Variants in MS4A4A observed in about 807,000 individuals in gnomAD.
The protein encoded by MS4A4A is membrane spanning 4-domains A4A, also known as membrane-spanning 4-domains subfamily A member 4A.
A neutral mutation model predicts 28.0 loss-of-function variants in MS4A4A; 26 were observed. The ratio of observed to expected loss-of-function variants is 0.93; its 90% CI spans 0.68 to 1.29. MS4A4A has a LOEUF of 1.29. Among genes scored for constraint, MS4A4A ranks in the 50% most tolerant of loss-of-function variants. MS4A4A has a pLI of 0.00. For synonymous variants in MS4A4A, 86 were observed against 100.8 expected (o/e 0.85, Z 0.88); for missense variants, 290 against 293.1 (o/e 0.99, Z 0.08).
intron 3 of MS4A4A, among the ~76,000 whole-genome samples, chr11:60,298,129 C>G (rs1334400836): frequency 6.6e-6 from 1 of 151,526 alleles, no homozygotes; most frequent in Non-Finnish European, 1.5e-5. Context: ...CAAGAGAAAA[C>G]ACAAGATAGT....
intron 6 of MS4A4A, among the ~76,000 whole-genome samples, chr11:60,306,765 C>G (rs1483919518): frequency 6.6e-6 from 1 of 152,216 alleles, no homozygotes; most frequent in Non-Finnish European, 1.5e-5. Flanking sequence ...AAGTGCATAA[C>G]CTCTGAATCC....
At chr11:60,293,203 A>G (rs957653233) in intron 2 of MS4A4A, among the ~76,000 whole-genome samples, 3 of 152,110 alleles carry the variant, frequency 2.0e-5, no homozygotes, top group African/African-American at 7.2e-5. Flanking sequence ...GATTACAGGC[A>G]TGAGCCATCA....
chr11:60,297,579 GA>G (rs1323619525), intron 3 of MS4A4A, among the ~76,000 whole-genome samples: 1 of 152,126 alleles, frequency 6.6e-6, no homozygotes, highest in Non-Finnish European at 1.5e-5. Context: ...ACCCAAACCA[GA>G]ATGGCTTAAA....
chr11:60,307,540 G>A (rs1463315602), intron 6 of MS4A4A, among the ~76,000 whole-genome samples: 2 of 152,140 alleles, frequency 1.3e-5, no homozygotes, highest in African/African-American at 4.8e-5. Context: ...CATAGGTGCT[G>A]GGGAATGTTG....
intron 2 of MS4A4A, among the ~76,000 whole-genome samples, chr11:60,295,661 C>CTCTA (rs2084899445): frequency 6.6e-6 from 1 of 152,054 alleles, no homozygotes; most frequent in Non-Finnish European, 1.5e-5. Context: ...AGAAGTTCTC[C>CTCTA]TCTATTAATA....
In MS4A4A at chr11:60,302,687, T is replaced by C; in HGVS notation, c.516T>C (p.Asn172=). The C allele has an allele frequency of 6.2e-7, 1 of 1,613,868 alleles. No individual in the cohort carries two copies. Among genetic ancestry groups the C allele is most frequent in the Non-Finnish European group, 8.5e-7 (1 of 1,179,728 alleles). ...HPYCNYYGNS[N]NCHGTMSILM... ...ACTGTAACTACTATGGCAACTCAAA[T>C]AATTGTCATGGGACTATGTCCATCT... The change falls in exon 5 of 7, where the codon AAT becomes AAC. Residue 172 remains asparagine, a synonymous_variant. Coordinates refer to ENST00000337908, the MANE Select transcript of MS4A4A (RefSeq NM_148975.3).
At position 60,297,038 on chromosome 11, in the gene MS4A4A, C is replaced by T. The variant is rs1301821151; in HGVS notation, c.202-159C>T. 5.1e-5 allele frequency: 42 copies of T among 822,342 alleles called. 2 individuals are homozygous for T. The highest frequency in any genetic ancestry group is 2.1e-4 in the South Asian group (13 of 61,646). The allele number at this position is 822,342 out of a possible 1,614,324, so 50.9% of individuals were successfully genotyped here. A position where few individuals can be genotyped will look rare whatever the true frequency, so the allele number is the denominator to read the frequency against. ...GATAATATTGGTAAGATTACATTCA[C>T]GGTTATTTATGTGAAAAAAGAGTGA... On this transcript the variant is annotated intron_variant, in intron 2 of 6. Coordinates refer to ENST00000337908, the MANE Select transcript of MS4A4A (RefSeq NM_148975.3).
At chr11:60,305,774 A>G (rs1565149581) in intron 5 of MS4A4A, 2 of 213,904 alleles carry the variant, frequency 9.3e-6, no homozygotes, top group African/African-American at 2.3e-5. Flanking sequence ...TCTCAATGAT[A>G]TGAGTTTCTA....
At chr11:60,300,911 T>C (rs2084947907) in intron 3 of MS4A4A, 90 bp from the exon 4 acceptor site, 4 of 899,394 alleles carry the variant, frequency 4.4e-6, no homozygotes, top group Non-Finnish European at 6.8e-6. Context: ...CTGATTAACA[T>C]ATCTATCTAA....
chr11:60,302,674 A>G lies in MS4A4A; in HGVS notation c.503A>G (p.Tyr168Cys), dbSNP rs374427243. 35 of 1,613,840 alleles carry G rather than the reference A, an allele frequency of 2.2e-5. No individual in the cohort carries two copies. The highest frequency in any genetic ancestry group is 2.8e-5 in the Non-Finnish European group (33 of 1,179,852). ...YSFHHPYCNYYGNSNNCHGTM... is the reference protein window; with the variant it reads ...YSFHHPYCNYCGNSNNCHGTM... ...TTCCATCACCCTTACTGTAACTACT[A>G]TGGCAACTCAAATAATTGTCATGGG... The change falls in exon 5 of 7, where the codon TAT (tyrosine) becomes TGT (cysteine). Residue 168 changes from tyrosine to cysteine, a missense_variant. By Grantham distance (194) the Tyr-to-Cys change is radical (BLOSUM62 -2). Coordinates refer to ENST00000337908, the MANE Select transcript of MS4A4A (RefSeq NM_148975.3).
chr11:60,303,179 T>C (rs1395273674), intron 5 of MS4A4A, among the ~76,000 whole-genome samples: 1 of 152,222 alleles, frequency 6.6e-6, no homozygotes, highest in Admixed American at 6.5e-5. Flanking sequence ...ACCACTTTTA[T>C]CCTCAACATC....
intron 5 of MS4A4A, among the ~76,000 whole-genome samples, chr11:60,303,243 A>G (rs1025874007): frequency 6.6e-6 from 1 of 152,156 alleles, no homozygotes; most frequent in Non-Finnish European, 1.5e-5. Context: ...TTTTTGTACC[A>G]ATTGTTCTTA....
chr11:60,280,903 G>T (rs980732861), intron 1 of MS4A4A, among the ~76,000 whole-genome samples, 187 bp downstream of exon 1: 1 of 152,088 alleles, frequency 6.6e-6, no homozygotes, highest in Non-Finnish European at 1.5e-5. Context: ...ATGAGGAACA[G>T]TTTTTGCTAC....
intron 1 of MS4A4A, among the ~76,000 whole-genome samples, chr11:60,289,265 T>G (rs2084830040): frequency 6.6e-6 from 1 of 152,118 alleles, no homozygotes; most frequent in Non-Finnish European, 1.5e-5. Flanking sequence ...GGTAGCTCCA[T>G]CAGCTGAGCT....
chr11:60,288,558 G>A (rs1483532765), intron 1 of MS4A4A, among the ~76,000 whole-genome samples: 3 of 152,154 alleles, frequency 2.0e-5, no homozygotes, highest in Admixed American at 6.5e-5. Flanking sequence ...GGAGGCTTGA[G>A]CTCTGGGGAG....
At chr11:60,294,896 CTT>C (rs2084891162) in intron 2 of MS4A4A, among the ~76,000 whole-genome samples, 2 of 50,294 alleles carry the variant, frequency 4.0e-5, no homozygotes, top group Admixed American at 5.1e-4. Flanking sequence ...ACTACTACTT[CTT>C]CTTCTTCTTC....
At position 60,298,163 on chromosome 11, in the gene MS4A4A, T is replaced by C. The variant is rs73487301; in HGVS notation, c.330+838T>C. ...GTTTTAATGCAAATTGAGAGTAAAA[T>C]TGAGAATAAAATACCAAGTTTTATC... On this transcript the variant is annotated intron_variant, in intron 3 of 6. Coordinates refer to ENST00000337908, the MANE Select transcript of MS4A4A (RefSeq NM_148975.3). Among the ~76,000 whole-genome samples, 559 of 152,028 alleles carry C rather than the reference T, an allele frequency of 3.7e-3. 3 individuals carry two copies. The highest frequency in any genetic ancestry group is 0.013 in the African/African-American group (548 of 41,510).
intron 5 of MS4A4A, among the ~76,000 whole-genome samples, chr11:60,304,697 T>A (rs867976289): frequency 2.0e-5 from 3 of 152,214 alleles, no homozygotes; most frequent in Admixed American, 6.5e-5. Context: ...TGTTTACATA[T>A]TGTGGAGTGC....
intron 2 of MS4A4A, among the ~76,000 whole-genome samples, chr11:60,295,895 T>G (rs1476022699): frequency 6.6e-6 from 1 of 152,122 alleles, no homozygotes; most frequent in Non-Finnish European, 1.5e-5. Flanking sequence ...TTTGCAGATA[T>G]TTTGTTGAGG....
Sources: allele counts gnomAD v4.1 joint callset (sites outside exome capture counted in the v4.1 genomes callset), GRCh38; gene constraint gnomAD v4.1.1; transcripts MANE v1.5; gene names NCBI Gene and HGNC (gene_info 2026-07-23, HGNC 2026-07-21).